The following RXFP1 variants were observed in gnomAD, a reference collection of about 807,000 sequenced individuals.
RXFP1 encodes the protein relaxin family peptide receptor 1, also known as relaxin receptor 1.
In RXFP1, 73 loss-of-function variants were observed where a neutral mutation model predicts 89.8. The ratio of observed to expected loss-of-function variants is 0.81; its 90% CI spans 0.67 to 0.99. The LOEUF is 0.99. RXFP1 is among the 50% of genes least tolerant of loss of function. The pLI is 0.00. For synonymous variants in RXFP1, 277 were observed against 305.5 expected, an observed-to-expected ratio of 0.91 and a Z score of 0.97; for missense variants, 793 against 895.5, an observed-to-expected ratio of 0.89 and a Z score of 1.46.
At chr4:158,613,517 A>G (rs953159201) in intron 8 of RXFP1, among the ~76,000 whole-genome samples, 1 of 152,220 alleles carries the variant, frequency 6.6e-6, no homozygotes, top group African/African-American at 2.4e-5. Context: ...CCAGGAGTAG[A>G]TTCCATCTCA....
At chr4:158,530,996 T>C (rs952259916) in intron 1 of RXFP1, among the ~76,000 whole-genome samples, 4 of 152,164 alleles carry the variant, frequency 2.6e-5, no homozygotes, top group African/African-American at 9.7e-5. Context: ...CAGGTTCAAT[T>C]TGAAAGCTCC....
At chr4:158,651,124 A>G (rs981928943) in intron 17 of RXFP1, among the ~76,000 whole-genome samples, 1 of 152,156 alleles carries the variant, frequency 6.6e-6, no homozygotes, top group African/African-American at 2.4e-5. Flanking sequence ...ACCCTGTCTC[A>G]AAAACAAAAA....
Position 158,543,519 on chromosome 4 carries a change from A to T in RXFP1, c.49+21494A>T, listed in dbSNP as rs9307979. Among the ~76,000 whole-genome samples, 1,072 of 152,294 alleles carry T rather than the reference A, an allele frequency of 7.0e-3. 16 individuals carry two copies. Among genetic ancestry groups the T allele is most frequent in the African/African-American group, 0.025 (1,029 of 41,568 alleles). On this transcript the variant is annotated intron_variant, in intron 1 of 17. Coordinates refer to ENST00000307765, the MANE Select transcript of RXFP1 (RefSeq NM_021634.4). Reference sequence around the variant, plus strand: ...CCTTATTGCTTGGGGCAGTCACCTCATCTAATGGTGCAGAACACAGTGTCT... The same window carrying T: ...CCTTATTGCTTGGGGCAGTCACCTCTTCTAATGGTGCAGAACACAGTGTCT...
chr4:158,544,615 A>G (rs901001537), intron 1 of RXFP1, among the ~76,000 whole-genome samples: 2 of 150,910 alleles, frequency 1.3e-5, no homozygotes, highest in African/African-American at 4.9e-5. Context: ...ACCCCCCAAC[A>G]GTCCCTGGAG....
chr4:158,559,589 A>T (rs1412388876), intron 1 of RXFP1, among the ~76,000 whole-genome samples: 2 of 152,150 alleles, frequency 1.3e-5, no homozygotes, highest in Non-Finnish European at 2.9e-5. Flanking sequence ...TATACCTATT[A>T]CTTATCCAAT....
At chr4:158,599,170 G>A (rs1028053324) in intron 3 of RXFP1, 156 bp from the exon 4 acceptor site, 10 of 1,180,626 alleles carry the variant, frequency 8.5e-6, no homozygotes, top group South Asian at 3.3e-5. Context: ...AAACTTTGGA[G>A]CCTTAATTTA....
At chr4:158,580,016 T>C (rs961162628) in intron 2 of RXFP1, among the ~76,000 whole-genome samples, 1 of 151,962 alleles carries the variant, frequency 6.6e-6, no homozygotes. Context: ...CAGGGCTAGA[T>C]GGGAAAGACA....
At chr4:158,565,049 G>A (rs1753266737) in intron 1 of RXFP1, among the ~76,000 whole-genome samples, 1 of 152,186 alleles carries the variant, frequency 6.6e-6, no homozygotes, top group Non-Finnish European at 1.5e-5. Flanking sequence ...CCACTGGGGT[G>A]AGAAGGGCAT....
chr4:158,590,408 C>T (rs1437505087), intron 2 of RXFP1, among the ~76,000 whole-genome samples: 1 of 152,212 alleles, frequency 6.6e-6, no homozygotes, highest in Admixed American at 6.5e-5. Context: ...GATCTGCCTG[C>T]TTCGGCCTCC....
chr4:158,543,862 C>T (rs1747482647), intron 1 of RXFP1: 1 of 985,314 alleles, frequency 1.0e-6, no homozygotes, highest in South Asian at 4.7e-5. Context: ...GAGTGGCATG[C>T]CAAATTTGCC....
intron 3 of RXFP1, among the ~76,000 whole-genome samples, chr4:158,597,256 A>T (rs1760806315): frequency 6.6e-6 from 1 of 152,190 alleles, no homozygotes; most frequent in Non-Finnish European, 1.5e-5. Context: ...TAATGTGAGG[A>T]ATTCACATTA....
intron 5 of RXFP1, chr4:158,607,129 G>A (rs1306321181): frequency 1.3e-6 from 2 of 1,535,364 alleles, no homozygotes; most frequent in Non-Finnish European, 1.7e-6. Flanking sequence ...CCCGCAATCT[G>A]GGGCAAGTAC....
chr4:158,601,633 T>A (rs760572909), intron 4 of RXFP1, among the ~76,000 whole-genome samples: 5 of 152,216 alleles, frequency 3.3e-5, no homozygotes, highest in Admixed American at 6.5e-5. Context: ...GAAAAAGAAC[T>A]CTATGCTTTA....
At chr4:158,583,058 G>A (rs1215690065) in intron 2 of RXFP1, among the ~76,000 whole-genome samples, 1 of 152,148 alleles carries the variant, frequency 6.6e-6, no homozygotes, top group African/African-American at 2.4e-5. Flanking sequence ...AGGAAAAGGA[G>A]CAGAAAGTGC....
At chr4:158,584,418 G>T (rs1757912052) in intron 2 of RXFP1, among the ~76,000 whole-genome samples, 1 of 151,250 alleles carries the variant, frequency 6.6e-6, no homozygotes, top group South Asian at 2.1e-4. Flanking sequence ...TGGGCAACAG[G>T]GTGAGACTCT....
intron 1 of RXFP1, chr4:158,543,823 C>T: frequency 1.0e-6 from 1 of 985,170 alleles, no homozygotes; most frequent in Non-Finnish European, 1.2e-6. Flanking sequence ...TCCTTCGACA[C>T]AGAAGAAAAC....
chr4:158,542,097 ATATATATATATATTTT>A (rs1171488396), intron 1 of RXFP1, among the ~76,000 whole-genome samples: 1 of 38,776 alleles, frequency 2.6e-5, no homozygotes, highest in African/African-American at 7.0e-5. Flanking sequence ...ATATATATAT[ATATATATATATATTTT>A]TTTTTTAGTA....
At chr4:158,558,776 G>A (rs1435115069) in intron 1 of RXFP1, among the ~76,000 whole-genome samples, 1 of 152,030 alleles carries the variant, frequency 6.6e-6, no homozygotes, top group Non-Finnish European at 1.5e-5. Flanking sequence ...ATAGCTTTTG[G>A]GTACAGAAAA....
intron 1 of RXFP1, among the ~76,000 whole-genome samples, chr4:158,529,384 G>A (rs951148984): frequency 4.0e-5 from 6 of 151,818 alleles, no homozygotes; most frequent in African/African-American, 1.5e-4. Context: ...TCAGCCTCCT[G>A]AGTAGCTGGT....
Sources: allele counts gnomAD v4.1 joint callset (sites outside exome capture counted in the v4.1 genomes callset), GRCh38; gene constraint gnomAD v4.1.1; transcripts MANE v1.5; gene names NCBI Gene and HGNC (gene_info 2026-07-23, HGNC 2026-07-21).